RAPGEF2: variants seen among roughly 807,000 people sequenced by gnomAD.
The protein encoded by RAPGEF2 is PDZ domain containing guanine nucleotide exchange factor (GEF) 1.
Under a neutral mutation model 186.7 loss-of-function variants are expected in RAPGEF2, and 54 were observed. The observed-to-expected ratio is 0.29, with a 90% CI of 0.23 to 0.36. The LOEUF is 0.36. Ranked by LOEUF, RAPGEF2 falls within the 10% of genes least tolerant of loss-of-function variation. The pLI is 1.00. For synonymous variants in RAPGEF2, 712 were observed against 705.9 expected (o/e 1.01, Z -0.14); for missense variants, 1,532 against 2,045.0 (o/e 0.75, Z 4.84).
At chr4:159,183,907 A>G (rs1326686770) in intron 1 of RAPGEF2, among the ~76,000 whole-genome samples, 3 of 152,036 alleles carry the variant, frequency 2.0e-5, no homozygotes, top group South Asian at 2.1e-4. Context: ...TCACCCCATG[A>G]CAGGCTCTGG....
intron 1 of RAPGEF2, among the ~76,000 whole-genome samples, chr4:159,131,972 C>T (rs1392459917): frequency 1.3e-5 from 2 of 152,092 alleles, no homozygotes; most frequent in East Asian, 1.9e-4. Flanking sequence ...ATACTTGCAA[C>T]AAAAGTCCAG....
rs1175286664 is a variant in RAPGEF2 at position 159,345,120 on chromosome 4, G to T, written c.3293G>T (p.Gly1098Val). Residue 1098 changes from glycine to valine, a missense_variant, in exon 24 of 30, where the codon GGT becomes GTT. Transcript: ENST00000691494. ...TCATCTTCCAGGTCTCTCAGCCAGG[G>T]TAGTACAAATGCAACAGTGCTAGAT... ...KWRSLGSLSQ[G>V]STNATVLDVA... The T allele has an allele frequency of 6.2e-7, 1 of 1,613,988 alleles. No individual in the cohort carries two copies.
intron 3 of RAPGEF2, among the ~76,000 whole-genome samples, chr4:159,198,501 A>G (rs978382416): frequency 4.0e-5 from 6 of 150,096 alleles, no homozygotes; most frequent in Non-Finnish European, 7.4e-5. Flanking sequence ...GCTGGAGTGC[A>G]GTGGCACGAT....
intron 3 of RAPGEF2, among the ~76,000 whole-genome samples, chr4:159,208,153 T>C (rs1325032674): frequency 6.6e-6 from 1 of 152,206 alleles, no homozygotes; most frequent in African/African-American, 2.4e-5. Flanking sequence ...GGGAAAGATG[T>C]TCCACTGCTG....
chr4:159,199,570 A>G (rs1003865909), intron 3 of RAPGEF2, among the ~76,000 whole-genome samples: 7 of 152,274 alleles, frequency 4.6e-5, no homozygotes, highest in African/African-American at 1.7e-4. Context: ...GGCTGGTTAC[A>G]CATCATCAGG....
At chr4:159,269,217 A>G (rs1757801938) in intron 7 of RAPGEF2, among the ~76,000 whole-genome samples, 1 of 152,200 alleles carries the variant, frequency 6.6e-6, no homozygotes, top group East Asian at 1.9e-4. Flanking sequence ...GGTTTTGTTC[A>G]TTGTTAGGAA....
At chr4:159,151,289 A>G (rs1743506317) in intron 1 of RAPGEF2, among the ~76,000 whole-genome samples, 2 of 152,296 alleles carry the variant, frequency 1.3e-5, no homozygotes, top group South Asian at 4.1e-4. Context: ...GTCAATGATA[A>G]ACGCTTATCT....
At chr4:159,303,942 C>T (rs1032787757) in intron 7 of RAPGEF2, among the ~76,000 whole-genome samples, 1 of 152,040 alleles carries the variant, frequency 6.6e-6, no homozygotes, top group African/African-American at 2.4e-5. Context: ...TGGGTATAAA[C>T]GTAGCTTAAA....
chr4:159,105,509 G>C (rs989810012), intron 1 of RAPGEF2, among the ~76,000 whole-genome samples: 2 of 152,260 alleles, frequency 1.3e-5, no homozygotes, highest in South Asian at 2.1e-4. Context: ...GGAGATCATG[G>C]ATAGATTGCA....
intron 1 of RAPGEF2, among the ~76,000 whole-genome samples, chr4:159,162,335 T>G (rs1373030140): frequency 1.3e-5 from 2 of 150,752 alleles, no homozygotes; most frequent in Non-Finnish European, 3.0e-5. Context: ...GTTTGGGGGT[T>G]ACAGTGAGCT....
At chr4:159,142,721 A>G (rs1561006771) in intron 1 of RAPGEF2, among the ~76,000 whole-genome samples, 1 of 152,204 alleles carries the variant, frequency 6.6e-6, no homozygotes, top group Non-Finnish European at 1.5e-5. Context: ...ATGGTTTTTT[A>G]AAAAATCTTC....
At chr4:159,168,648 G>T (rs1375449052) in intron 1 of RAPGEF2, among the ~76,000 whole-genome samples, 1 of 152,070 alleles carries the variant, frequency 6.6e-6, no homozygotes, top group Non-Finnish European at 1.5e-5. Context: ...TAGTAAAAGG[G>T]TATACTTTGA....
intron 3 of RAPGEF2, among the ~76,000 whole-genome samples, chr4:159,206,979 C>T (rs931375525): frequency 9.9e-5 from 15 of 152,094 alleles, no homozygotes; most frequent in African/African-American, 3.1e-4. Flanking sequence ...CTTACTTTTC[C>T]AAAATCTGAA....
intron 1 of RAPGEF2, among the ~76,000 whole-genome samples, chr4:159,180,267 C>G (rs1431541811): frequency 6.6e-6 from 1 of 152,160 alleles, no homozygotes; most frequent in African/African-American, 2.4e-5. Context: ...TTTTGCTTAT[C>G]TCTAGTAAAC....
At chr4:159,116,439 C>T (rs959001229) in intron 1 of RAPGEF2, among the ~76,000 whole-genome samples, 1 of 152,170 alleles carries the variant, frequency 6.6e-6, no homozygotes, top group Non-Finnish European at 1.5e-5. Context: ...ACAACAGATG[C>T]TGGTGAGGCT....
intron 7 of RAPGEF2, among the ~76,000 whole-genome samples, chr4:159,300,389 G>A (rs1249382357): frequency 2.0e-5 from 3 of 151,488 alleles, no homozygotes; most frequent in African/African-American, 7.3e-5. Flanking sequence ...TAGGACTATA[G>A]GTTGCTTGCT....
chr4:159,353,946 C>T lies in RAPGEF2; in HGVS notation c.4551C>T (p.Ala1517=), dbSNP rs372978202. Residue 1517 remains alanine (A), a synonymous_variant, in exon 28 of 30, where the codon GCC becomes GCT. Coordinates refer to ENST00000691494, the MANE Select transcript of RAPGEF2 (RefSeq NM_001394067.2). The surrounding 1 kb of genome is among the most constrained non-coding windows in gnomAD (Gnocchi z 4.3). ...RRGGKDVSIE[A]ESSSLTSVTT... ...GTGGAAAGGATGTTTCCATTGAAGCCGAAAGCAGTAGCCTAACGTCTGTGA... is the reference window on the plus strand; with the variant it reads ...GTGGAAAGGATGTTTCCATTGAAGCTGAAAGCAGTAGCCTAACGTCTGTGA... 20 of 1,613,844 alleles carry T rather than the reference C, an allele frequency of 1.2e-5. No homozygotes were observed. Among genetic ancestry groups the T allele is most frequent in the Middle Eastern group, 1.6e-4 (1 of 6,084 alleles).
rs1731930230 is a variant in RAPGEF2 at position 159,355,937 on chromosome 4, A to T, written c.4736A>T (p.His1579Leu). ...CCCATTACTGACTTTCCAGAAGGGCACTCCCATCCAGCCAGGAAACCGCCG... is the reference window on the plus strand; with the variant it reads ...CCCATTACTGACTTTCCAGAAGGGCTCTCCCATCCAGCCAGGAAACCGCCG... ...GIPITDFPEG[H>L]SHPARKPPDY... is the part of the protein sequence containing the mutation. Residue 1579 changes from histidine (H) to leucine (L), a missense_variant, in exon 29 of 30, where the codon CAC becomes CTC. Around this residue, in one of 4 missense-constraint regions of RAPGEF2, gnomAD observed 594 missense variants for 608.5 expected, o/e 0.98. Transcript: ENST00000691494. 2.2e-6 allele frequency: 3 copies of T among 1,333,758 alleles called. No homozygotes were observed. The Admixed American group carries it at 6.3e-5, about 28-fold the overall frequency. 82.6% of individuals were successfully genotyped at this position (1,333,758 alleles called of 1,614,324 possible).
At chr4:159,222,001 A>T (rs908908044) in intron 4 of RAPGEF2, among the ~76,000 whole-genome samples, 9 of 152,240 alleles carry the variant, frequency 5.9e-5, no homozygotes, top group African/African-American at 2.2e-4. Context: ...GTAAATAGTC[A>T]CAGTGGTATA....
Sources: gnomAD v4.1 joint callset for allele counts (sites outside exome capture counted in the v4.1 genomes callset) on GRCh38, gnomAD v4.1.1 for gene constraint, gnomAD v4.1.1 regional missense constraint, Gnocchi (gnomAD v3.1) non-coding constraint, MANE v1.5 for transcripts, NCBI Gene and HGNC (gene_info 2026-07-23, HGNC 2026-07-21) for gene names.